Variants in CSMD1 observed in about 807,000 individuals in gnomAD.
CSMD1 encodes CUB and sushi domain-containing protein 1.
A neutral mutation model predicts 417.5 loss-of-function variants in CSMD1; 213 were observed. The observed-to-expected ratio is 0.51, with a 90% CI of 0.46 to 0.57. The LOEUF is 0.57. Ranked by LOEUF, CSMD1 falls within the 20% of genes least tolerant of loss-of-function variation. The pLI, the probability that CSMD1 is intolerant of heterozygous loss-of-function variation, is 0.00. For synonymous variants in CSMD1, 2,862 were observed against 1,736.8 expected, an observed-to-expected ratio of 1.65 and a Z score of -16.11; for missense variants, 6,923 against 4,529.7, an observed-to-expected ratio of 1.53 and a Z score of -15.17.
intron 3 of CSMD1, among the ~76,000 whole-genome samples, chr8:4,306,892 C>A (rs1798278650): frequency 6.6e-6 from 1 of 152,078 alleles, no homozygotes; most frequent in Non-Finnish European, 1.5e-5. Context: ...TTATGCTTTC[C>A]TTACGCTAAA....
At chr8:3,358,451 G>C (rs556182704) in intron 21 of CSMD1, among the ~76,000 whole-genome samples, 2 of 152,252 alleles carry the variant, frequency 1.3e-5, no homozygotes, top group South Asian at 2.1e-4. Flanking sequence ...AAGCTACAAC[G>C]GCAGTTACGA....
chr8:3,896,109 C>G (rs1807342702), intron 5 of CSMD1, among the ~76,000 whole-genome samples: 1 of 152,142 alleles, frequency 6.6e-6, no homozygotes, highest in African/African-American at 2.4e-5. Context: ...TCCTGATGGG[C>G]CCATTCTTGG....
intron 12 of CSMD1, among the ~76,000 whole-genome samples, chr8:3,419,634 G>A (rs1813364033): frequency 1.3e-5 from 2 of 151,906 alleles, no homozygotes; most frequent in South Asian, 2.1e-4. Context: ...TTTATCAACA[G>A]GATTGAGAAG....
intron 3 of CSMD1, among the ~76,000 whole-genome samples, chr8:4,081,465 T>C (rs1401694971): frequency 6.6e-6 from 1 of 152,170 alleles, no homozygotes; most frequent in Admixed American, 6.5e-5. Flanking sequence ...CACGGTGTCA[T>C]GGGAACACTA....
rs1491302569 is a variant in CSMD1, at chr8:4,115,974, TTA to T, written c.416-83877_416-83876del. Among the ~76,000 whole-genome samples, 4 of 31,726 alleles carry T rather than the reference TTA, an allele frequency of 1.3e-4. No individual in the cohort carries two copies. The East Asian group carries it at 8.3e-3, about 66-fold the overall frequency. The allele number at this position is 31,726 out of a possible 152,430, so 20.8% of individuals were successfully genotyped here. A position where few individuals can be genotyped will look rare whatever the true frequency, so the allele number is the denominator to read the frequency against. On this transcript the variant is annotated intron_variant, in intron 3 of 69. Coordinates refer to ENST00000635120, the MANE Select transcript of CSMD1 (RefSeq NM_033225.6). ...ACAGGGTTTTCATTATTTTATTTAT[TTA>T]TTTATTTATTTATTTATTTATTTAT... is the stretch of plus-strand genomic sequence containing the variant.
At chr8:4,725,896 G>C (rs561194213) in intron 1 of CSMD1, among the ~76,000 whole-genome samples, 6 of 152,108 alleles carry the variant, frequency 3.9e-5, no homozygotes, top group African/African-American at 1.4e-4. Flanking sequence ...GTGGGACTGG[G>C]TTCACATTCC....
At chr8:3,346,068 G>A (rs542845587) in intron 22 of CSMD1, among the ~76,000 whole-genome samples, 97 of 152,228 alleles carry the variant, frequency 6.4e-4, no homozygotes, top group Non-Finnish European at 1.2e-3. Context: ...CATTAGGCTT[G>A]AAAATTAAGA....
chr8:4,660,805 G>A (rs746458750), intron 1 of CSMD1, among the ~76,000 whole-genome samples: 24 of 151,986 alleles, frequency 1.6e-4, no homozygotes, highest in African/African-American at 5.8e-4. Flanking sequence ...TTAGAAAATG[G>A]GCAAAATTAT....
At chr8:4,254,462 T>A (rs571292527) in intron 3 of CSMD1, among the ~76,000 whole-genome samples, 2 of 152,272 alleles carry the variant, frequency 1.3e-5, no homozygotes, top group East Asian at 3.9e-4. Context: ...TAAGCGACAT[T>A]GCAGCTGTCA....
At chr8:3,460,038 G>A (rs1270761421) in intron 12 of CSMD1, among the ~76,000 whole-genome samples, 1 of 152,182 alleles carries the variant, frequency 6.6e-6, no homozygotes, top group African/African-American at 2.4e-5. Context: ...AGCTGCACAG[G>A]TGTGGGGCAT....
At chr8:4,250,263 C>A (rs1029581670) in intron 3 of CSMD1, among the ~76,000 whole-genome samples, 4 of 152,120 alleles carry the variant, frequency 2.6e-5, no homozygotes, top group African/African-American at 9.7e-5. Flanking sequence ...GAACAAAAAG[C>A]CTCTCTAGTG....
At position 4,493,390 on chromosome 8, in the gene CSMD1, C is replaced by A. The variant is rs539539769; in HGVS notation, c.303-73325G>T. On this transcript the variant is annotated intron_variant, in intron 2 of 69. Transcript: ENST00000635120. ...GTTTGGTAAAGGATTACTACTGATA[C>A]AAACACATTCTAAAGCTACTGATGG... Among the ~76,000 whole-genome samples, 5 of 152,192 alleles carry A rather than the reference C, an allele frequency of 3.3e-5. No homozygotes were observed. The East Asian group carries it at 9.7e-4, about 29-fold the overall frequency.
At chr8:4,036,718 T>C (rs1801765247) in intron 3 of CSMD1, among the ~76,000 whole-genome samples, 1 of 152,224 alleles carries the variant, frequency 6.6e-6, no homozygotes, top group South Asian at 2.1e-4. Flanking sequence ...AGGATCCTTT[T>C]GCAGATGCAG....
At chr8:4,152,263 G>C (rs758298833) in intron 3 of CSMD1, among the ~76,000 whole-genome samples, 35 of 152,112 alleles carry the variant, frequency 2.3e-4, no homozygotes, top group Non-Finnish European at 3.8e-4. Flanking sequence ...CTCTATGATG[G>C]TAATATAGAA....
At chr8:4,212,142 T>C (rs1033526467) in intron 3 of CSMD1, among the ~76,000 whole-genome samples, 2 of 150,978 alleles carry the variant, frequency 1.3e-5, no homozygotes, top group Non-Finnish European at 2.9e-5. Flanking sequence ...GTGTCCTTTA[T>C]TATGATAAAA....
intron 3 of CSMD1, among the ~76,000 whole-genome samples, chr8:4,182,096 G>A (rs771488730): frequency 1.3e-5 from 2 of 151,478 alleles, no homozygotes; most frequent in Non-Finnish European, 2.9e-5. Context: ...TACCTGAATA[G>A]CATTTCAATG....
At chr8:3,021,191 T>G (rs1809348905) in intron 51 of CSMD1, among the ~76,000 whole-genome samples, 1 of 152,242 alleles carries the variant, frequency 6.6e-6, no homozygotes, top group Non-Finnish European at 1.5e-5. Flanking sequence ...TTTCTATTGT[T>G]GAAGCCTCTG....
At chr8:4,157,947 C>T (rs951963554) in intron 3 of CSMD1, among the ~76,000 whole-genome samples, 12 of 152,294 alleles carry the variant, frequency 7.9e-5, no homozygotes, top group African/African-American at 2.4e-4. Context: ...AGGTTCAGAA[C>T]ATCTTTTAGC....
At chr8:4,087,781 ATAT>A (rs1479460407) in intron 3 of CSMD1, among the ~76,000 whole-genome samples, 6 of 151,756 alleles carry the variant, frequency 4.0e-5, no homozygotes, top group Non-Finnish European at 8.8e-5. Flanking sequence ...TTTCTCTTTT[ATAT>A]TGTCTCACAT....
Sources: gnomAD v4.1 joint callset for allele counts (sites outside exome capture counted in the v4.1 genomes callset) on GRCh38, gnomAD v4.1.1 for gene constraint, MANE v1.5 for transcripts, NCBI Gene and HGNC (gene_info 2026-07-23, HGNC 2026-07-21) for gene names.